Variants in IL13 observed in about 807,000 individuals in gnomAD.
IL13 encodes the protein interleukin 13.
In IL13, 9 loss-of-function variants were observed where a neutral mutation model predicts 11.1. The observed-to-expected ratio is 0.81, with a 90% CI of 0.49 to 1.42. The LOEUF (loss-of-function observed/expected upper bound fraction) is 1.42, where lower values mean the gene tolerates loss of function less well. IL13 is among the 40% of genes most tolerant of loss of function. IL13 has a pLI of 0.00. For synonymous variants in IL13, 75 were observed against 76.9 expected (o/e 0.97, Z 0.13); for missense variants, 181 against 182.5 (o/e 0.99, Z 0.05).
rs1289499557 is a variant in IL13, at chr5:132,659,200, C to A, written c.175-218C>A. 19 of 548,054 alleles carry A rather than the reference C, an allele frequency of 3.5e-5. No homozygotes were observed. Among genetic ancestry groups the A allele is most frequent in the Non-Finnish European group, 6.3e-5 (19 of 300,340 alleles). The allele number at this position is 548,054 out of a possible 1,614,324, so 33.9% of individuals were successfully genotyped here. On this transcript the variant is annotated intron_variant, in intron 1 of 3. Coordinates refer to ENST00000304506, the MANE Select transcript of IL13 (RefSeq NM_002188.3). This position sits in a 1 kb window ranked among gnomAD's most constrained non-coding sequence, Gnocchi z 4.1. ...CCTTACTAGTGGTGTCAATTTTTTTCTCTCAGCTCCAAGACCCTAAACAGT... is the reference window on the plus strand; with the variant it reads ...CCTTACTAGTGGTGTCAATTTTTTTATCTCAGCTCCAAGACCCTAAACAGT...
upstream of IL13, chr5:132,656,586 G>A (rs374069506): frequency 1.3e-5 from 2 of 152,330 alleles, no homozygotes; most frequent in African/African-American, 4.8e-5. Context: ...GGGATAAGGG[G>A]CGTTGACTCA....
At position 132,660,168 on chromosome 5, in the gene IL13, C is replaced by T; in HGVS notation, c.334-7C>T. 6.2e-7 allele frequency: 1 copy of T among 1,613,716 alleles called. No individual in the cohort carries two copies. The highest frequency in any genetic ancestry group is 8.5e-7 in the Non-Finnish European group (1 of 1,179,674). On this transcript the variant is annotated splice_region_variant and splice_polypyrimidine_tract_variant and intron_variant, in intron 3 of 3. Coordinates refer to ENST00000304506, the MANE Select transcript of IL13 (RefSeq NM_002188.3). Reference sequence around the variant, plus strand: ...TCTACTCATGTGCTGACCTCTTTGTCCTGCAGCAGTTTTCCAGCTTGCATG... The same window carrying T: ...TCTACTCATGTGCTGACCTCTTTGTTCTGCAGCAGTTTTCCAGCTTGCATG...
upstream of IL13, chr5:132,657,191 G>A: frequency 6.5e-6 from 1 of 153,602 alleles, no homozygotes; most frequent in Non-Finnish European, 1.5e-5. Flanking sequence ...CACTCATTCT[G>A]CAGAAGGGAA....
intron 1 of IL13, chr5:132,658,832 C>G (rs183974496): frequency 5.8e-6 from 1 of 173,576 alleles, no homozygotes; most frequent in East Asian, 1.5e-4. Flanking sequence ...CTGCTTACAC[C>G]AGGCCTGGTG....
At chr5:132,658,556 G>A (rs2149874076) in intron 1 of IL13, 196 bp downstream of exon 1, 2 of 505,338 alleles carry the variant, frequency 4.0e-6, no homozygotes, top group South Asian at 6.7e-5. Flanking sequence ...TGGACCTATG[G>A]AGGTGTCTGG....
chr5:132,658,369 C>G lies in IL13; in HGVS notation c.174+9C>G, dbSNP rs201172066. 6.3e-7 allele frequency: 1 copy of G among 1,581,088 alleles called. No homozygotes were observed. The highest frequency in any genetic ancestry group is 8.7e-7 in the Non-Finnish European group (1 of 1,153,764). On this transcript the variant is annotated intron_variant, in intron 1 of 3. Transcript: ENST00000304506. ...TCACCCAGAACCAGAAGGTGAGTGTCGGCTAGCCAGGGTCCTAGCTATGAG... is the reference window on the plus strand; with the variant it reads ...TCACCCAGAACCAGAAGGTGAGTGTGGGCTAGCCAGGGTCCTAGCTATGAG...
upstream of IL13, among the ~76,000 whole-genome samples, chr5:132,657,922 C>G (rs56398553): frequency 6.6e-6 from 1 of 152,176 alleles, no homozygotes; most frequent in African/African-American, 2.4e-5. Context: ...GCAAATGCCA[C>G]GCCGCTCTCA....
In IL13 at chr5:132,658,299, C is replaced by T. The variant is rs1752078535; in HGVS notation, c.113C>T (p.Pro38Leu). 8 of 1,610,922 alleles carry T rather than the reference C, an allele frequency of 5.0e-6. No homozygotes were observed. Among genetic ancestry groups the T allele is most frequent in the Non-Finnish European group, 6.8e-6 (8 of 1,177,176 alleles). ...GGCTTTGCCTCCCCAGGCCCTGTGCCTCCCTCTACAGCCCTCAGGGAGCTC... is the reference window on the plus strand; with the variant it reads ...GGCTTTGCCTCCCCAGGCCCTGTGCTTCCCTCTACAGCCCTCAGGGAGCTC... The part of the protein sequence containing the change: ...LGGFASPGPV[P>L]PSTALRELIE... Residue 38 changes from proline to leucine, a missense_variant, in exon 1 of 4, where the codon CCT becomes CTT. Coordinates refer to ENST00000304506, the MANE Select transcript of IL13 (RefSeq NM_002188.3).
rs1175882682 is a variant in IL13 at position 132,659,032 on chromosome 5, C to G, written c.175-386C>G. 3.8e-6 allele frequency: 1 copy of G among 260,376 alleles called. No individual in the cohort carries two copies. The highest frequency in any genetic ancestry group is 2.2e-5 in the African/African-American group (1 of 46,112). The allele number at this position is 260,376 out of a possible 1,614,324, so 16.1% of individuals were successfully genotyped here. A position where few individuals can be genotyped will look rare whatever the true frequency, so the allele number is the denominator to read the frequency against. On this transcript the variant is annotated intron_variant, in intron 1 of 3. Coordinates refer to ENST00000304506, the MANE Select transcript of IL13 (RefSeq NM_002188.3). The surrounding 1 kb of genome is among the most constrained non-coding windows in gnomAD (Gnocchi z 4.1). The stretch of plus-strand genomic sequence containing the variant: ...ATCAGAAGGCAGGGCATTTAATACA[C>G]CAGATCCCCACCGCCTCCCATCTGA...
rs1752129754 is a variant in IL13, at chr5:132,660,364, T to C, written c.*82T>C. On this transcript the variant is annotated 3_prime_UTR_variant, in exon 4 of 4. Coordinates refer to ENST00000304506, the MANE Select transcript of IL13 (RefSeq NM_002188.3). ...TCATTTTTCTTTCTGATGTCAAAAATGTCTTGGGTAGGCGGGAAGGAGGGT... is the reference window on the plus strand; with the variant it reads ...TCATTTTTCTTTCTGATGTCAAAAACGTCTTGGGTAGGCGGGAAGGAGGGT... The C allele has an allele frequency of 1.0e-5, 16 of 1,551,314 alleles. No homozygotes were observed. The highest frequency in any genetic ancestry group is 1.3e-5 in the Non-Finnish European group (15 of 1,150,900).
At chr5:132,658,390 A>C (rs1489544305) in intron 1 of IL13, 30 bp downstream of exon 1, 3 of 1,450,930 alleles carry the variant, frequency 2.1e-6, no homozygotes, top group Non-Finnish European at 1.9e-6. Flanking sequence ...GGTCCTAGCT[A>C]TGAGGGCTCC....
chr5:132,658,170 C>G (rs1480799623), upstream of IL13: 2 of 1,564,878 alleles, frequency 1.3e-6, no homozygotes, highest in Non-Finnish European at 8.7e-7. Context: ...ACGCCAAGGC[C>G]ACAAGCCACC....
chr5:132,659,556 G>T lies in IL13; in HGVS notation c.228+85G>T, dbSNP rs1752107636. The T allele has an allele frequency of 1.3e-6, 2 of 1,559,546 alleles. No homozygotes were observed. The highest frequency in any genetic ancestry group is 1.4e-5 in the African/African-American group (1 of 74,006). ...CTCTGAGCCTCCCTTCCATGGCTGG[G>T]GTTCCAAGCAAGCTTCAAGTGCTCT... On this transcript the variant is annotated intron_variant, in intron 2 of 3. Transcript: ENST00000304506. The surrounding 1 kb of genome is among the most constrained non-coding windows in gnomAD (Gnocchi z 4.1).
intron 3 of IL13, 140 bp from the exon 4 acceptor site, chr5:132,660,035 A>G: frequency 1.6e-6 from 2 of 1,217,714 alleles, no homozygotes; most frequent in Non-Finnish European, 2.3e-6. Flanking sequence ...CCACATCTGT[A>G]CAGTAGAGGT....
rs1038146791 is a variant in IL13, at chr5:132,658,203, A to T, written c.17A>T (p.Asn6Ile). 1.9e-6 allele frequency: 3 copies of T among 1,610,264 alleles called. No homozygotes were observed. In the African/African-American group the frequency reaches 4.0e-5, roughly 22 times the overall value. The change falls in exon 1 of 4, where the codon AAT (asparagine) becomes ATT (isoleucine). Residue 6 changes from asparagine (N) to isoleucine (I), a missense_variant. Transcript: ENST00000304506. MHPLL[N>I]PLLLALGLMA... ...ACCCAGCCTATGCATCCGCTCCTCA[A>T]TCCTCTCCTGTTGGCACTGGGCCTC...
At position 132,660,470 on chromosome 5, in the gene IL13, G is replaced by T; in HGVS notation, c.*188G>T. 2 of 1,026,626 alleles carry T rather than the reference G, an allele frequency of 1.9e-6. No homozygotes were observed. Among genetic ancestry groups the T allele is most frequent in the Non-Finnish European group, 2.7e-6 (2 of 744,082 alleles). 63.6% of individuals were successfully genotyped at this position (1,026,626 alleles called of 1,614,324 possible). ...CCTAGCCGACCTCAGCCTTCCCCTT[G>T]CCCAGGGCTCAGCCTGGTGGGCCTC... On this transcript the variant is annotated 3_prime_UTR_variant, in exon 4 of 4. Coordinates refer to ENST00000304506, the MANE Select transcript of IL13 (RefSeq NM_002188.3).
rs1752132241 is a variant in IL13, at chr5:132,660,482, G to A, written c.*200G>A. On this transcript the variant is annotated 3_prime_UTR_variant, in exon 4 of 4. Transcript: ENST00000304506. ...CAGCCTTCCCCTTGCCCAGGGCTCA[G>A]CCTGGTGGGCCTCCTCTGTCCAGGG... 1.2e-6 allele frequency: 1 copy of A among 830,504 alleles called. No homozygotes were observed. The highest frequency in any genetic ancestry group is 1.8e-6 in the Non-Finnish European group (1 of 569,814). The allele number at this position is 830,504 out of a possible 1,614,324, so 51.4% of individuals were successfully genotyped here. A position where few individuals can be genotyped will look rare whatever the true frequency, so the allele number is the denominator to read the frequency against.
rs140828306 is a variant in IL13 at position 132,660,197 on chromosome 5, G to C, written c.356G>C (p.Arg119Pro). 2.5e-6 allele frequency: 4 copies of C among 1,614,022 alleles called. 1 individual carries two copies. The highest frequency in any genetic ancestry group is 3.4e-6 in the Non-Finnish European group (4 of 1,180,030). ...SAGQFSSLHV[R>P]DTKIEVAQFV... ...CAGCAGTTTTCCAGCTTGCATGTCC[G>C]AGACACCAAAATCGAGGTGGCCCAG... is the stretch of plus-strand genomic sequence containing the variant. Residue 119 changes from arginine to proline, a missense_variant, in exon 4 of 4, where the codon CGA becomes CCA. By Grantham distance (103) the Arg-to-Pro change is moderately radical. Coordinates refer to ENST00000304506, the MANE Select transcript of IL13 (RefSeq NM_002188.3).
Position 132,660,437 on chromosome 5 carries a change from G to T in IL13, c.*155G>T. ...GCTTAGACCTCAGCCTGTGCTGCCC[G>T]TCTTCAGCCTAGCCGACCTCAGCCT... is the stretch of plus-strand genomic sequence containing the variant. On this transcript the variant is annotated 3_prime_UTR_variant, in exon 4 of 4. Transcript: ENST00000304506. 7.8e-7 allele frequency: 1 copy of T among 1,288,912 alleles called. No individual in the cohort carries two copies. Among genetic ancestry groups the T allele is most frequent in the Non-Finnish European group, 1.0e-6 (1 of 970,388 alleles). The allele number at this position is 1,288,912 out of a possible 1,614,324, so 79.8% of individuals were successfully genotyped here.
Sources: allele counts gnomAD v4.1 joint callset (sites outside exome capture counted in the v4.1 genomes callset), GRCh38; gene constraint gnomAD v4.1.1; non-coding constraint Gnocchi (gnomAD v3.1); transcripts MANE v1.5; gene names NCBI Gene and HGNC (gene_info 2026-07-23, HGNC 2026-07-21).